RNF149: variants seen among roughly 807,000 people sequenced by gnomAD.
RNF149 encodes E3 ubiquitin-protein ligase RNF149.
In RNF149, 21 loss-of-function variants were observed where a neutral mutation model predicts 39.0. The ratio of observed to expected loss-of-function variants is 0.54; its 90% confidence interval spans 0.38 to 0.77. The LOEUF (loss-of-function observed/expected upper bound fraction) is 0.77, where lower values mean the gene tolerates loss of function less well. Ranked by LOEUF, RNF149 falls within the 30% of genes least tolerant of loss-of-function variation. RNF149 has a pLI of 0.00. For missense variants in RNF149, 493 were observed against 534.9 expected (o/e 0.92, Z 0.77); for synonymous variants, 209 against 213.6 (o/e 0.98, Z 0.19).
chr2:101,273,828 T>C (rs576988246), downstream of RNF149, among the ~76,000 whole-genome samples: 1 of 152,318 alleles, frequency 6.6e-6, no homozygotes, highest in South Asian at 2.1e-4. Context: ...TGAAAACTTT[T>C]TCCTTTCAAA....
chr2:101,273,298 CCA>C (rs1443779864), downstream of RNF149: 1 of 479,016 alleles, frequency 2.1e-6, no homozygotes. Flanking sequence ...CCCGCGGTTT[CCA>C]CAGTTAAATA....
Position 101,300,904 on chromosome 2 carries a change from G to A in RNF149, c.461-5723C>T, listed in dbSNP as rs368693993. Among the ~76,000 whole-genome samples, 6 of 152,146 alleles carry A rather than the reference G, an allele frequency of 3.9e-5. No homozygotes were observed. The South Asian group carries it at 1.0e-3, about 26-fold the overall frequency. ...GGGGTGCCAGGCACGGGCACCTTGC[G>A]GGCCCTACTCTTGCCTCCGATGCAT... is the stretch of plus-strand genomic sequence containing the variant. On this transcript the variant is annotated intron_variant, in intron 1 of 6. Coordinates refer to ENST00000295317, the MANE Select transcript of RNF149 (RefSeq NM_173647.4).
chr2:101,297,542 A>G (rs1475134815), intron 1 of RNF149, among the ~76,000 whole-genome samples: 5 of 124,266 alleles, frequency 4.0e-5, no homozygotes, highest in African/African-American at 1.1e-4. Flanking sequence ...ATTTTTTTTT[A>G]GAGATGGGGT....
At chr2:101,294,774 G>C (rs766917132) in intron 2 of RNF149, 157 bp downstream of exon 2, 2 of 648,782 alleles carry the variant, frequency 3.1e-6, no homozygotes, top group Non-Finnish European at 5.2e-6. Flanking sequence ...ATTTAACATA[G>C]TCCAATTAAA....
At chr2:101,306,834 C>T (rs1322754551) in intron 1 of RNF149, among the ~76,000 whole-genome samples, 4 of 152,164 alleles carry the variant, frequency 2.6e-5, no homozygotes, top group Non-Finnish European at 4.4e-5. Flanking sequence ...TTTTTCTGTC[C>T]TCACTTCACT....
At chr2:101,273,202 A>T (rs1055492401), downstream of RNF149, 9 of 1,109,030 alleles carry the variant, frequency 8.1e-6, no homozygotes, top group Non-Finnish European at 9.8e-6. Flanking sequence ...GCCAGTCCAG[A>T]CACCGAGGAG....
At chr2:101,282,908 A>G (rs1682645738) in intron 5 of RNF149, among the ~76,000 whole-genome samples, 1 of 151,862 alleles carries the variant, frequency 6.6e-6, no homozygotes, top group Non-Finnish European at 1.5e-5. Flanking sequence ...CCAGTAACGT[A>G]ACGCCCTCCC....
intron 3 of RNF149, among the ~76,000 whole-genome samples, chr2:101,293,122 G>A (rs1214068831): frequency 6.6e-6 from 1 of 150,708 alleles, no homozygotes; most frequent in Non-Finnish European, 1.5e-5. Context: ...AGTCTCATTA[G>A]TATTAATTCC....
chr2:101,289,577 T>A (rs983795350), intron 3 of RNF149, among the ~76,000 whole-genome samples: 17 of 151,734 alleles, frequency 1.1e-4, no homozygotes, highest in East Asian at 9.8e-4. Context: ...TGGTGGCGCG[T>A]GCCTGTAGTC....
Position 101,286,075 on chromosome 2 carries a change from A to G in RNF149, c.960+6T>C. Reference sequence around the variant, plus strand: ...GAGATTGAATATAAACAAAAATGTAACAAACCCAATATCCTAGGGCTTTGA... The same window carrying G: ...GAGATTGAATATAAACAAAAATGTAGCAAACCCAATATCCTAGGGCTTTGA... On this transcript the variant is annotated splice_donor_region_variant and intron_variant, in intron 5 of 6. Coordinates refer to ENST00000295317, the MANE Select transcript of RNF149 (RefSeq NM_173647.4). 2 of 1,569,498 alleles carry G rather than the reference A, an allele frequency of 1.3e-6. No individual in the cohort carries two copies. Among genetic ancestry groups the G allele is most frequent in the Non-Finnish European group, 1.8e-6 (2 of 1,142,410 alleles).
At position 101,286,130 on chromosome 2, in the gene RNF149, C is replaced by A. The variant is rs750865908; in HGVS notation, c.911G>T (p.Arg304Leu). Residue 304 changes from arginine (R) to leucine (L), a missense_variant, in exon 5 of 7, where the codon CGA (arginine) becomes CTA (leucine). Physicochemically the swap from Arg to Leu is moderately radical, Grantham distance 102. Coordinates refer to ENST00000295317, the MANE Select transcript of RNF149 (RefSeq NM_173647.4). ...ICIDPWLLDH[R>L]TCPMCKLDVI... ...ATCAAGTTTACACATTGGACATGTT[C>A]GGTGATCCAAAAGCCATGGGTCAAT... 6.2e-7 allele frequency: 1 copy of A among 1,612,240 alleles called. No homozygotes were observed.
chr2:101,271,291 A>G (rs913884274), downstream of RNF149: 10 of 152,230 alleles, frequency 6.6e-5, no homozygotes, highest in Non-Finnish European at 2.9e-5. Context: ...AGAACATTTT[A>G]TAAAACAGAT....
chr2:101,278,980 G>A (rs1254800099), intron 6 of RNF149, among the ~76,000 whole-genome samples: 1 of 152,234 alleles, frequency 6.6e-6, no homozygotes, highest in African/African-American at 2.4e-5. Flanking sequence ...TGAGAGTCTA[G>A]TAAATGTTTT....
intron 3 of RNF149, among the ~76,000 whole-genome samples, chr2:101,292,417 C>G (rs2104412165): frequency 6.6e-6 from 1 of 152,246 alleles, no homozygotes; most frequent in Non-Finnish European, 1.5e-5. Flanking sequence ...CTTGTGTTCT[C>G]AAAGATTTGA....
At chr2:101,280,201 A>AATAATG (rs70943072) in intron 6 of RNF149, among the ~76,000 whole-genome samples, 49,759 of 145,898 alleles carry the variant, frequency 0.34, 8,910 homozygotes, top group East Asian at 0.49. Flanking sequence ...TAATAATAAT[A>AATAATG]ATGATGATGA....
chr2:101,288,200 T>A (rs1035163870), intron 4 of RNF149, among the ~76,000 whole-genome samples: 35 of 147,358 alleles, frequency 2.4e-4, no homozygotes, highest in African/African-American at 8.2e-4. Context: ...AACAAAACCC[T>A]TAGTATAACC....
chr2:101,292,140 C>T (rs896195954), intron 3 of RNF149, among the ~76,000 whole-genome samples: 1 of 152,174 alleles, frequency 6.6e-6, no homozygotes, highest in Non-Finnish European at 1.5e-5. Context: ...TGAAAAACAA[C>T]ACTTGAAGTA....
intron 6 of RNF149, among the ~76,000 whole-genome samples, chr2:101,281,182 CATTA>C (rs889025471): frequency 3.3e-5 from 5 of 152,126 alleles, no homozygotes; most frequent in Admixed American, 6.6e-5. Flanking sequence ...TACAAACACT[CATTA>C]ATTAGTTTCA....
chr2:101,276,020 G>T lies in RNF149; in HGVS notation c.*1218C>A, dbSNP rs915922994. 3.4e-6 allele frequency: 3 copies of T among 893,452 alleles called. No individual in the cohort carries two copies. Among genetic ancestry groups the T allele is most frequent in the Non-Finnish European group, 4.0e-6 (3 of 746,586 alleles). The allele number at this position is 893,452 out of a possible 1,614,324, so 55.3% of individuals were successfully genotyped here. A position where few individuals can be genotyped will look rare whatever the true frequency, so the allele number is the denominator to read the frequency against. On this transcript the variant is annotated 3_prime_UTR_variant, in exon 7 of 7. Coordinates refer to ENST00000295317, the MANE Select transcript of RNF149 (RefSeq NM_173647.4). Reference sequence around the variant, plus strand: ...CTAGAATTAAAGCATTAAGTAGCTTGAGAAAATAATCTATATAAATCTTTA... The same window carrying T: ...CTAGAATTAAAGCATTAAGTAGCTTTAGAAAATAATCTATATAAATCTTTA...
Sources: gnomAD v4.1 joint callset for allele counts (sites outside exome capture counted in the v4.1 genomes callset) on GRCh38, gnomAD v4.1.1 for gene constraint, MANE v1.5 for transcripts, NCBI Gene and HGNC (gene_info 2026-07-23, HGNC 2026-07-21) for gene names.